OPHN1: variants seen among roughly 807,000 people sequenced by gnomAD.
OPHN1 encodes the protein oligophrenin 1.
Under a neutral mutation model 60.7 loss-of-function variants are expected in OPHN1, and 11 were observed. That is an observed-to-expected ratio of 0.18 (90% confidence interval 0.11 to 0.30). The LOEUF is 0.30. Among genes scored for constraint, OPHN1 ranks in the 10% least tolerant of loss-of-function variants. OPHN1 has a pLI of 1.00. For missense variants in OPHN1, 449 were observed against 611.0 expected (o/e 0.73, Z 2.80); for synonymous variants, 226 against 222.6 (o/e 1.02, Z -0.14).
chrX:68,130,393 C>G (rs1157454311), intron 15 of OPHN1, among the ~76,000 whole-genome samples: 1 of 111,408 alleles, frequency 9.0e-6, no homozygotes, highest in Non-Finnish European at 1.9e-5. Context: ...ATATTTATAA[C>G]CTTGAGGCAA....
At chrX:68,355,750 G>A (rs773933593) in intron 2 of OPHN1, among the ~76,000 whole-genome samples, 5 of 112,034 alleles carry the variant, frequency 4.5e-5, no homozygotes, top group East Asian at 2.8e-4. Flanking sequence ...TAAAAATAGC[G>A]AAGTGTGGCC....
At chrX:68,286,077 T>C (rs1417896382) in intron 3 of OPHN1, among the ~76,000 whole-genome samples, 1 of 111,126 alleles carries the variant, frequency 9.0e-6, no homozygotes, top group African/African-American at 3.3e-5. Flanking sequence ...TCAAGGGTCA[T>C]ATTTTACTAT....
chrX:68,299,135 C>T (rs756534202), intron 2 of OPHN1, 39 bp from the exon 3 acceptor site: 3 of 887,724 alleles, frequency 3.4e-6, no homozygotes, highest in African/African-American at 3.9e-5. Flanking sequence ...TTCAACAATG[C>T]TATGCTTTGA....
At chrX:68,097,107 A>C in intron 18 of OPHN1, 78 bp from the exon 19 acceptor site, 1 of 963,571 alleles carries the variant, frequency 1.0e-6, no homozygotes, top group Non-Finnish European at 1.4e-6. Flanking sequence ...TAGGTGCTGT[A>C]GAGGGTAAGA....
intron 3 of OPHN1, 124 bp from the exon 4 acceptor site, chrX:68,283,241 T>G: frequency 1.9e-6 from 1 of 527,221 alleles, no homozygotes; most frequent in Non-Finnish European, 3.3e-6. Context: ...TAGAGGAAGG[T>G]GTCAAATCGG....
chrX:68,113,135 T>C, intron 17 of OPHN1, 46 bp downstream of exon 17: 1 of 1,095,771 alleles, frequency 9.1e-7, no homozygotes. Context: ...GCAGTAAACA[T>C]TAAGAAACTA....
intron 2 of OPHN1, chrX:68,336,397 T>C (rs2147684164): frequency 9.2e-6 from 1 of 108,765 alleles, no homozygotes; most frequent in East Asian, 2.9e-4. Flanking sequence ...ATTAATTAAT[T>C]TAAAAAATTA....
chrX:68,222,267 A>C (rs1236134148), intron 6 of OPHN1, among the ~76,000 whole-genome samples: 1 of 108,443 alleles, frequency 9.2e-6, no homozygotes, highest in East Asian at 2.9e-4. Context: ...ATCATTAAAA[A>C]GTCAGGAAAC....
chrX:68,214,663 G>A (rs891519672), intron 6 of OPHN1, among the ~76,000 whole-genome samples: 5 of 112,047 alleles, frequency 4.5e-5, no homozygotes, highest in Admixed American at 2.9e-4. Context: ...GAAAAAAGGA[G>A]CATCAGAATC....
chrX:68,247,212 C>A (rs993876798), intron 5 of OPHN1, among the ~76,000 whole-genome samples: 3 of 111,305 alleles, frequency 2.7e-5, no homozygotes, highest in Non-Finnish European at 5.6e-5. Context: ...TCCCCATATC[C>A]TATCTTTGTT....
intron 2 of OPHN1, among the ~76,000 whole-genome samples, chrX:68,388,430 C>T (rs181795262): frequency 3.9e-4 from 40 of 102,131 alleles, no homozygotes; most frequent in African/African-American, 1.2e-3. Context: ...ACTGCACCCC[C>T]GACTGGGTGA....
chrX:68,163,950 A>T (rs1413596484), intron 15 of OPHN1, among the ~76,000 whole-genome samples: 1 of 111,773 alleles, frequency 8.9e-6, no homozygotes, highest in Admixed American at 9.5e-5. Flanking sequence ...TAGAATCATA[A>T]AGATCATAAT....
intron 5 of OPHN1, among the ~76,000 whole-genome samples, chrX:68,273,376 T>C: frequency 1.8e-5 from 2 of 110,895 alleles, no homozygotes; most frequent in Non-Finnish European, 3.8e-5. Context: ...GGATACACAT[T>C]GAGAGCTCAT....
intron 2 of OPHN1, among the ~76,000 whole-genome samples, chrX:68,300,426 G>A (rs2078114519): frequency 8.9e-6 from 1 of 112,399 alleles, no homozygotes; most frequent in Non-Finnish European, 1.9e-5. Context: ...AGAATTTTAA[G>A]TCTTAACTCT....
chrX:68,095,458 G>A (rs1456142384), intron 19 of OPHN1, among the ~76,000 whole-genome samples: 1 of 112,261 alleles, frequency 8.9e-6, no homozygotes, highest in African/African-American at 3.2e-5. Context: ...GTCCTTTAAG[G>A]AAAAGCTTTC....
intron 15 of OPHN1, among the ~76,000 whole-genome samples, chrX:68,142,657 G>T (rs774308753): frequency 1.8e-5 from 2 of 112,008 alleles, no homozygotes; most frequent in South Asian, 7.5e-4. Context: ...TTAACCTCTG[G>T]GATGTTGACA....
intron 5 of OPHN1, among the ~76,000 whole-genome samples, chrX:68,250,289 T>C (rs909880574): frequency 1.8e-5 from 2 of 112,668 alleles, no homozygotes; most frequent in East Asian, 5.6e-4. Context: ...TTAAAATGTA[T>C]AGAAGTATTT....
intron 15 of OPHN1, among the ~76,000 whole-genome samples, chrX:68,171,324 AAAAG>A (rs1188175465): frequency 1.8e-5 from 2 of 112,100 alleles, no homozygotes; most frequent in African/African-American, 3.2e-5. Context: ...GATTTTTAAA[AAAAG>A]AAAGAAAGAG....
chrX:68,194,391 A>G, intron 13 of OPHN1, 74 bp downstream of exon 13: 1 of 852,424 alleles, frequency 1.2e-6, no homozygotes, highest in Non-Finnish European at 1.8e-6. Flanking sequence ...ACACATCATT[A>G]ATGATGGTAT....
Sources: allele counts gnomAD v4.1 joint callset (sites outside exome capture counted in the v4.1 genomes callset), GRCh38; gene constraint gnomAD v4.1.1; transcripts MANE v1.5; gene names NCBI Gene and HGNC (gene_info 2026-07-23, HGNC 2026-07-21).